TIAM1: variants seen among roughly 807,000 people sequenced by gnomAD.
The protein encoded by TIAM1 is TIAM Rac1 associated GEF 1.
In TIAM1, 65 loss-of-function variants were observed where a neutral mutation model predicts 163.5. That is an observed-to-expected ratio of 0.40 (90% CI 0.33 to 0.49). TIAM1 has a LOEUF of 0.49. Among genes scored for constraint, TIAM1 ranks in the 20% least tolerant of loss-of-function variants. The pLI is 0.77. For missense variants in TIAM1, 1,789 were observed against 2,044.7 expected, an observed-to-expected ratio of 0.87 and a Z score of 2.41; for synonymous variants, 833 against 810.1, an observed-to-expected ratio of 1.03 and a Z score of -0.48.
chr21:31,127,970 C>T (rs1568874014), intron 25 of TIAM1, among the ~76,000 whole-genome samples: 1 of 152,118 alleles, frequency 6.6e-6, no homozygotes, highest in South Asian at 2.1e-4. Flanking sequence ...TTGAACACAG[C>T]AGAAAATGGT....
intron 1 of TIAM1, among the ~76,000 whole-genome samples, chr21:31,506,473 T>A (rs2047032482): frequency 6.6e-6 from 1 of 152,228 alleles, no homozygotes; most frequent in African/African-American, 2.4e-5. Flanking sequence ...ACTGAAAGTC[T>A]ATACCCGTCC....
At chr21:31,321,160 C>T (rs2075299203) in intron 2 of TIAM1, among the ~76,000 whole-genome samples, 1 of 151,902 alleles carries the variant, frequency 6.6e-6, no homozygotes, top group Non-Finnish European at 1.5e-5. Flanking sequence ...GGGGGGATGA[C>T]CTGAGAGTTA....
chr21:31,409,311 T>A (rs951991015), intron 2 of TIAM1, among the ~76,000 whole-genome samples: 2 of 152,168 alleles, frequency 1.3e-5, no homozygotes, highest in African/African-American at 4.8e-5. Flanking sequence ...GGTTTCACTA[T>A]GTTGGCCAGG....
intron 1 of TIAM1, among the ~76,000 whole-genome samples, chr21:31,540,806 G>A (rs1336690823): frequency 6.6e-6 from 1 of 152,130 alleles, no homozygotes; most frequent in Non-Finnish European, 1.5e-5. Context: ...TTAAAACAAT[G>A]TTTAAAGTAA....
intron 6 of TIAM1, among the ~76,000 whole-genome samples, chr21:31,244,151 C>T (rs1471921946): frequency 5.3e-5 from 8 of 152,186 alleles, no homozygotes; most frequent in African/African-American, 1.9e-4. Context: ...AAAGAAAACA[C>T]AGATGCTTTG....
intron 1 of TIAM1, among the ~76,000 whole-genome samples, chr21:31,540,874 C>T (rs1230841600): frequency 6.6e-6 from 1 of 151,918 alleles, no homozygotes; most frequent in Non-Finnish European, 1.5e-5. Context: ...GAGAGAGAGC[C>T]GGAGATATTG....
chr21:31,149,476 G>T (rs1397965551), intron 19 of TIAM1, among the ~76,000 whole-genome samples: 1 of 152,020 alleles, frequency 6.6e-6, no homozygotes, highest in East Asian at 1.9e-4. Context: ...AAGAAGCAAT[G>T]TACCTGCCTC....
chr21:31,398,912 A>T (rs1021926581), intron 2 of TIAM1, among the ~76,000 whole-genome samples: 3 of 152,232 alleles, frequency 2.0e-5, no homozygotes, highest in Non-Finnish European at 2.9e-5. Flanking sequence ...CCGGTGGCTC[A>T]CGCCTATAAT....
At chr21:31,204,999 C>T (rs1355828755) in intron 11 of TIAM1, among the ~76,000 whole-genome samples, 1 of 152,188 alleles carries the variant, frequency 6.6e-6, no homozygotes, top group African/African-American at 2.4e-5. Context: ...AGACCAGATG[C>T]TCAATGTCTG....
rs1056019619 is a variant in TIAM1, at chr21:31,436,268, C to A, written c.-369+27715G>T. Among the ~76,000 whole-genome samples the A allele has an allele frequency of 2.0e-5, 3 of 152,336 alleles. No individual in the cohort carries two copies. In the East Asian group the frequency reaches 5.8e-4, roughly 29 times the overall value. ...CACGTCATTCAATCACCAGTGTCCA[C>A]CACTGCCTCTGGCACATGGCAGCCA... On this transcript the variant is annotated intron_variant, in intron 2 of 28. Coordinates refer to the TIAM1 transcript ENST00000286827.
At chr21:31,500,754 A>G (rs1212175570) in intron 1 of TIAM1, among the ~76,000 whole-genome samples, 1 of 152,194 alleles carries the variant, frequency 6.6e-6, no homozygotes, top group African/African-American at 2.4e-5. Flanking sequence ...ACCAGAAACT[A>G]GGAAGAGGCA....
At chr21:31,330,723 C>T (rs564567453) in intron 2 of TIAM1, among the ~76,000 whole-genome samples, 3 of 152,186 alleles carry the variant, frequency 2.0e-5, no homozygotes, top group Non-Finnish European at 4.4e-5. Flanking sequence ...TTTTTAATAG[C>T]AGTTTGGTGT....
Position 31,468,931 on chromosome 21 carries a change from A to G in TIAM1, c.-421-4896T>C, listed in dbSNP as rs142378938. Among the ~76,000 whole-genome samples, 92 of 152,196 alleles carry G rather than the reference A, an allele frequency of 6.0e-4. 1 individual carries two copies. The highest frequency in any genetic ancestry group is 2.1e-3 in the African/African-American group (87 of 41,534). On this transcript the variant is annotated intron_variant, in intron 1 of 28. Coordinates refer to the TIAM1 transcript ENST00000286827. ...ACCACGGGCAGGGATGACTGTCGGA[A>G]GAGGGTCAAGACAGTAGGAACACTG...
chr21:31,539,012 G>A (rs1301581718), intron 1 of TIAM1, among the ~76,000 whole-genome samples: 4 of 152,112 alleles, frequency 2.6e-5, no homozygotes, highest in Non-Finnish European at 4.4e-5. Context: ...AGGCCTCTCA[G>A]AGCTGGACAG....
At position 31,355,318 on chromosome 21, in the gene TIAM1, C is replaced by T. The variant is rs56135496; in HGVS notation, c.-368-15896G>A. On this transcript the variant is annotated intron_variant, in intron 2 of 28. Transcript: ENST00000286827. ...TGGCATGAATATGGGTTTTTGTTTTCTTAAGGATAGTGGCCACCTTGGTCT... is the reference window on the plus strand; with the variant it reads ...TGGCATGAATATGGGTTTTTGTTTTTTTAAGGATAGTGGCCACCTTGGTCT... Among the ~76,000 whole-genome samples, 1,485 of 152,106 alleles carry T rather than the reference C, an allele frequency of 9.8e-3. 22 individuals are homozygous for T. Among genetic ancestry groups the T allele is most frequent in the African/African-American group, 0.03 (1,249 of 41,510 alleles).
At chr21:31,493,183 A>G (rs1671154365) in intron 1 of TIAM1, among the ~76,000 whole-genome samples, 1 of 152,242 alleles carries the variant, frequency 6.6e-6, no homozygotes, top group Admixed American at 6.5e-5. Flanking sequence ...TATTTCAGAT[A>G]CAGCCCTAGT....
At chr21:31,484,259 A>G (rs1249487587) in intron 1 of TIAM1, among the ~76,000 whole-genome samples, 1 of 152,138 alleles carries the variant, frequency 6.6e-6, no homozygotes, top group Non-Finnish European at 1.5e-5. Flanking sequence ...CACTAAGAAC[A>G]CTGTACCCCA....
chr21:31,197,322 C>T (rs991864522), intron 12 of TIAM1, among the ~76,000 whole-genome samples: 1 of 151,904 alleles, frequency 6.6e-6, no homozygotes, highest in Non-Finnish European at 1.5e-5. Context: ...AAGAATGATG[C>T]AGAGTTCACA....
intron 23 of TIAM1, 74 bp downstream of exon 23, chr21:31,135,859 G>A: frequency 7.1e-7 from 1 of 1,411,942 alleles, no homozygotes; most frequent in Non-Finnish European, 1.0e-6. Flanking sequence ...ATTGGGTCTT[G>A]AAAAAGAAAT....
Sources: gnomAD v4.1 joint callset for allele counts (sites outside exome capture counted in the v4.1 genomes callset) on GRCh38, gnomAD v4.1.1 for gene constraint, MANE v1.5 for transcripts, NCBI Gene and HGNC (gene_info 2026-07-23, HGNC 2026-07-21) for gene names.